GRIA4: variants seen among roughly 807,000 people sequenced by gnomAD.
GRIA4 encodes glutamate receptor 4.
Under a neutral mutation model 104.0 loss-of-function variants are expected in GRIA4, and 34 were observed. The ratio of observed to expected loss-of-function variants is 0.33; its 90% CI spans 0.25 to 0.44. The LOEUF (loss-of-function observed/expected upper bound fraction) is 0.44. Ranked by LOEUF, GRIA4 falls within the 20% of genes least tolerant of loss-of-function variation. The pLI is 1.00. For synonymous variants in GRIA4, 386 were observed against 381.9 expected, an observed-to-expected ratio of 1.01 and a Z score of -0.13; for missense variants, 750 against 1,096.5, an observed-to-expected ratio of 0.68 and a Z score of 4.46.
chr11:105,851,727 C>A (rs1270361057), intron 4 of GRIA4, among the ~76,000 whole-genome samples: 1 of 152,148 alleles, frequency 6.6e-6, no homozygotes, highest in Non-Finnish European at 1.5e-5. Context: ...GTGGCGCATA[C>A]CTAAGAGACA....
intron 5 of GRIA4, among the ~76,000 whole-genome samples, chr11:105,866,551 G>GTATATATATATATATATATATATATA (rs71041633): frequency 2.6e-5 from 2 of 76,752 alleles, no homozygotes; most frequent in African/African-American, 1.3e-4. Flanking sequence ...GTGTGTGTGT[G>GTATATATATATATATATATATATATA]TATATATATA....
At chr11:105,663,525 T>G (rs1405250412) in intron 3 of GRIA4, among the ~76,000 whole-genome samples, 3 of 151,882 alleles carry the variant, frequency 2.0e-5, no homozygotes, top group Admixed American at 6.6e-5. Flanking sequence ...AGCATGATAC[T>G]TAAATAGAGA....
chr11:105,900,119 A>T (rs1277809577), intron 7 of GRIA4, among the ~76,000 whole-genome samples: 1 of 152,032 alleles, frequency 6.6e-6, no homozygotes, highest in Non-Finnish European at 1.5e-5. Context: ...ATTTTTCACC[A>T]CTCTATACAG....
chr11:105,616,316 A>C (rs1450009492), intron 3 of GRIA4, among the ~76,000 whole-genome samples: 1 of 151,654 alleles, frequency 6.6e-6, no homozygotes, highest in Non-Finnish European at 1.5e-5. Context: ...AATGATGAAA[A>C]AGTTTCTTTT....
intron 3 of GRIA4, among the ~76,000 whole-genome samples, chr11:105,641,069 A>C (rs1228630117): frequency 2.6e-5 from 4 of 152,108 alleles, no homozygotes; most frequent in Admixed American, 2.6e-4. Context: ...GAGCACTTAT[A>C]ATGTTTATGA....
chr11:105,954,910 TTA>T lies in GRIA4; in HGVS notation c.2295-16985_2295-16984del, dbSNP rs56101816. On this transcript the variant is annotated intron_variant, in intron 14 of 16. Coordinates refer to ENST00000282499, the MANE Select transcript of GRIA4 (RefSeq NM_000829.4). ...TTTTGATAGGTATATTGCTTTCAAT[TTA>T]TATATATATATATATATAATGCCAT... 2.0e-3 allele frequency among the ~76,000 whole-genome samples: 91 copies of T among 45,748 alleles called. 1 individual carries two copies. Among genetic ancestry groups the T allele is most frequent in the East Asian group, 0.018 (31 of 1,712 alleles). 30.0% of individuals were successfully genotyped at this position (45,748 alleles called of 152,430 possible).
chr11:105,926,696 GT>G (rs916689756), intron 12 of GRIA4, 44 bp from the exon 13 acceptor site: 33 of 1,154,030 alleles, frequency 2.9e-5, no homozygotes, highest in Non-Finnish European at 4.2e-5. Flanking sequence ...CTTTCTCTAT[GT>G]TGGTTAAAGA....
chr11:105,805,074 A>G (rs1942889901), intron 4 of GRIA4, among the ~76,000 whole-genome samples: 1 of 151,986 alleles, frequency 6.6e-6, no homozygotes, highest in Admixed American at 6.6e-5. Context: ...TTTATAATGG[A>G]CTGAGAATGT....
intron 5 of GRIA4, among the ~76,000 whole-genome samples, chr11:105,879,652 G>A (rs1403126259): frequency 6.6e-6 from 1 of 152,134 alleles, no homozygotes; most frequent in Non-Finnish European, 1.5e-5. Flanking sequence ...AATGGAATTA[G>A]GAGTACTTTG....
chr11:105,723,297 A>G (rs1355965727), intron 3 of GRIA4, among the ~76,000 whole-genome samples: 1 of 152,164 alleles, frequency 6.6e-6, no homozygotes, highest in Non-Finnish European at 1.5e-5. Flanking sequence ...AAAATGGTCC[A>G]GAGATTGAGC....
intron 4 of GRIA4, among the ~76,000 whole-genome samples, chr11:105,847,955 A>G (rs1393152761): frequency 6.6e-6 from 1 of 152,178 alleles, no homozygotes; most frequent in Non-Finnish European, 1.5e-5. Flanking sequence ...ATGAGATTTA[A>G]TTAGTAGACT....
chr11:105,886,893 CT>C (rs1432775817), intron 5 of GRIA4, among the ~76,000 whole-genome samples: 3 of 149,110 alleles, frequency 2.0e-5, no homozygotes, highest in Admixed American at 2.0e-4. Flanking sequence ...CTAAACATTT[CT>C]GAAAACATTC....
At chr11:105,804,353 T>TGC (rs961690418) in intron 4 of GRIA4, among the ~76,000 whole-genome samples, 3 of 109,728 alleles carry the variant, frequency 2.7e-5, no homozygotes, top group African/African-American at 1.1e-4. Context: ...CAAACACACA[T>TGC]GCACACACAC....
At chr11:105,652,813 A>G (rs563263620) in intron 3 of GRIA4, among the ~76,000 whole-genome samples, 1 of 152,298 alleles carries the variant, frequency 6.6e-6, no homozygotes, top group African/African-American at 2.4e-5. Flanking sequence ...CACATACACT[A>G]TGCTTGGATT....
At chr11:105,858,970 T>C (rs1337631139) in intron 4 of GRIA4, among the ~76,000 whole-genome samples, 1 of 152,200 alleles carries the variant, frequency 6.6e-6, no homozygotes, top group Non-Finnish European at 1.5e-5. Flanking sequence ...GATATTCATC[T>C]AAAACTGCAG....
chr11:105,964,732 A>G (rs1948818027), intron 14 of GRIA4, among the ~76,000 whole-genome samples: 1 of 151,980 alleles, frequency 6.6e-6, no homozygotes, highest in African/African-American at 2.4e-5. Context: ...AAAAACTGTA[A>G]CTTGAAAGCA....
At chr11:105,754,981 C>T (rs1408163083) in intron 4 of GRIA4, among the ~76,000 whole-genome samples, 1 of 152,104 alleles carries the variant, frequency 6.6e-6, no homozygotes, top group Admixed American at 6.6e-5. Context: ...TTCCTTTGGT[C>T]TGTTTTGTTT....
intron 3 of GRIA4, among the ~76,000 whole-genome samples, chr11:105,706,143 T>C (rs1341380518): frequency 6.6e-6 from 1 of 152,154 alleles, no homozygotes; most frequent in Non-Finnish European, 1.5e-5. Flanking sequence ...CCAAGTGTAA[T>C]GCATGTCAAT....
chr11:105,823,032 T>A (rs933765830), intron 4 of GRIA4, among the ~76,000 whole-genome samples: 4 of 152,190 alleles, frequency 2.6e-5, no homozygotes, highest in Non-Finnish European at 5.9e-5. Flanking sequence ...TATTTTAGAA[T>A]GATAGTGGTA....
Sources: gnomAD v4.1 joint callset for allele counts (sites outside exome capture counted in the v4.1 genomes callset) on GRCh38, gnomAD v4.1.1 for gene constraint, MANE v1.5 for transcripts, NCBI Gene and HGNC (gene_info 2026-07-23, HGNC 2026-07-21) for gene names.